The following EXOC6B variants were observed in gnomAD, a reference collection of about 807,000 sequenced individuals.
EXOC6B encodes SEC15 homolog B.
A neutral mutation model predicts 113.5 loss-of-function variants in EXOC6B; 54 were observed. The ratio of observed to expected loss-of-function variants is 0.48; its 90% CI spans 0.38 to 0.60. EXOC6B has a LOEUF of 0.60. Ranked by LOEUF, EXOC6B falls within the 20% of genes least tolerant of loss-of-function variation. The probability of loss-of-function intolerance (pLI) is 0.00; values close to 1 mark genes in which losing one functional copy is unlikely to be tolerated. For synonymous variants in EXOC6B, 357 were observed against 339.0 expected (o/e 1.05, Z -0.58); for missense variants, 797 against 977.5 (o/e 0.82, Z 2.46).
chr2:72,666,249 A>T (rs1200151191), intron 6 of EXOC6B, among the ~76,000 whole-genome samples: 1 of 152,212 alleles, frequency 6.6e-6, no homozygotes. Context: ...TTGAGAACAG[A>T]AAACTGACAA....
chr2:72,196,861 TTAAA>T (rs1356286973), intron 20 of EXOC6B, among the ~76,000 whole-genome samples: 2 of 152,184 alleles, frequency 1.3e-5, no homozygotes, highest in African/African-American at 4.8e-5. Context: ...ATAAGTGGGA[TTAAA>T]TAAATAGATA....
At chr2:72,217,027 T>C (rs1680580782) in intron 20 of EXOC6B, among the ~76,000 whole-genome samples, 1 of 128,630 alleles carries the variant, frequency 7.8e-6, no homozygotes, top group Non-Finnish European at 1.6e-5. Flanking sequence ...CCTGGGCGAC[T>C]CCATATCAAA....
intron 1 of EXOC6B, among the ~76,000 whole-genome samples, chr2:72,782,468 T>C (rs1398353641): frequency 6.6e-6 from 1 of 152,226 alleles, no homozygotes; most frequent in Non-Finnish European, 1.5e-5. Context: ...GACTGTGTAA[T>C]GATTAAGTCA....
intron 20 of EXOC6B, among the ~76,000 whole-genome samples, chr2:72,312,441 C>G (rs938816159): frequency 1.3e-5 from 2 of 151,946 alleles, no homozygotes; most frequent in Non-Finnish European, 2.9e-5. Flanking sequence ...AGATAAAATG[C>G]CTCCTACTAA....
At chr2:72,422,021 G>A (rs534733609) in intron 18 of EXOC6B, among the ~76,000 whole-genome samples, 94 of 152,330 alleles carry the variant, frequency 6.2e-4, no homozygotes, top group African/African-American at 2.0e-3. Context: ...CCAGCCCACC[G>A]GTGCTGCGCT....
intron 19 of EXOC6B, among the ~76,000 whole-genome samples, chr2:72,379,305 AC>A (rs1691543636): frequency 6.6e-6 from 1 of 152,236 alleles, no homozygotes; most frequent in Non-Finnish European, 1.5e-5. Flanking sequence ...AGCATTTCTG[AC>A]TAATTAATGC....
At chr2:72,599,239 G>C (rs760492135) in intron 6 of EXOC6B, among the ~76,000 whole-genome samples, 1 of 152,056 alleles carries the variant, frequency 6.6e-6, no homozygotes, top group East Asian at 1.9e-4. Context: ...GGTGTGTAAG[G>C]CTGGTTTGAC....
intron 1 of EXOC6B, among the ~76,000 whole-genome samples, chr2:72,783,866 A>G (rs1360372141): frequency 6.6e-6 from 1 of 151,962 alleles, no homozygotes; most frequent in East Asian, 1.9e-4. Flanking sequence ...CCATTTGTCT[A>G]TTTTTTGTTT....
At chr2:72,751,920 G>C (rs1249004927) in intron 1 of EXOC6B, among the ~76,000 whole-genome samples, 3 of 152,104 alleles carry the variant, frequency 2.0e-5, no homozygotes, top group Non-Finnish European at 4.4e-5. Context: ...TCTCTGCTCA[G>C]TTACATCTAT....
At chr2:72,669,676 C>G (rs144361499) in intron 6 of EXOC6B, among the ~76,000 whole-genome samples, 36 of 152,322 alleles carry the variant, frequency 2.4e-4, no homozygotes, top group African/African-American at 8.2e-4. Flanking sequence ...CTAGGGATCT[C>G]TATACAGTCT....
intron 19 of EXOC6B, among the ~76,000 whole-genome samples, chr2:72,344,063 T>C (rs949129973): frequency 1.3e-5 from 2 of 152,212 alleles, no homozygotes; most frequent in African/African-American, 4.8e-5. Flanking sequence ...TCCAAATGGC[T>C]AGACTGGCCC....
chr2:72,770,269 AAG>A (rs1683337507), intron 1 of EXOC6B, among the ~76,000 whole-genome samples: 1 of 152,234 alleles, frequency 6.6e-6, no homozygotes, highest in African/African-American at 2.4e-5. Flanking sequence ...TAAGAAAAAA[AAG>A]AGAGAAGATA....
chr2:72,539,230 A>G (rs1290584284), intron 8 of EXOC6B, among the ~76,000 whole-genome samples: 1 of 152,198 alleles, frequency 6.6e-6, no homozygotes, highest in Non-Finnish European at 1.5e-5. Flanking sequence ...AGCATCTAAC[A>G]TACTTCTTCT....
At chr2:72,541,918 C>T (rs1702628524) in intron 8 of EXOC6B, among the ~76,000 whole-genome samples, 1 of 152,206 alleles carries the variant, frequency 6.6e-6, no homozygotes, top group African/African-American at 2.4e-5. Flanking sequence ...AAGCAGTCTG[C>T]CTGCCTTGGC....
intron 6 of EXOC6B, among the ~76,000 whole-genome samples, chr2:72,590,137 G>C (rs547220361): frequency 1.6e-4 from 25 of 152,048 alleles, no homozygotes; most frequent in African/African-American, 6.0e-4. Flanking sequence ...GAAGTCACTG[G>C]CTATATAAGT....
intron 8 of EXOC6B, among the ~76,000 whole-genome samples, chr2:72,519,408 A>G (rs1573312021): frequency 6.6e-6 from 1 of 152,334 alleles, no homozygotes; most frequent in East Asian, 1.9e-4. Context: ...AAGAAGGCAC[A>G]AGAAAACTGT....
chr2:72,512,317 AAG>A lies in EXOC6B; in HGVS notation c.1167+813_1167+814del, dbSNP rs1700951136. ...CATAATCAATCTTTAAGAAACACGG[AAG>A]GAAGGAAGGAAGGAAGGAAGGAAGG... On this transcript the variant is annotated intron_variant, in intron 11 of 21. Transcript: ENST00000272427. Among the ~76,000 whole-genome samples, 3 of 9,338 alleles carry A rather than the reference AAG, an allele frequency of 3.2e-4. No individual in the cohort carries two copies. The South Asian group carries it at 0.021, about 66-fold the overall frequency. The allele number at this position is 9,338 out of a possible 152,430, so 6.1% of individuals were successfully genotyped here.
In EXOC6B at chr2:72,718,297, C is replaced by T. The variant is rs1328914342; in HGVS notation, c.475G>A (p.Ala159Thr). The T allele has an allele frequency of 1.2e-6, 2 of 1,613,490 alleles. No individual in the cohort carries two copies. Among genetic ancestry groups the T allele is most frequent in the South Asian group, 2.2e-5 (2 of 91,000 alleles). The change falls in exon 6 of 22, where the codon GCA (alanine) becomes ACA (threonine). Residue 159 changes from alanine to threonine, a missense_variant. Physicochemically the swap from Ala to Thr is moderately conservative, Grantham distance 58. Transcript: ENST00000272427. ...DQMKTKRHYP[A>T]LKTLEHLEHT... The stretch of plus-strand genomic sequence containing the variant: ...TCTAGATGTTCCAGAGTTTTCAGTG[C>T]AGGATAATGCCTACAAAAGGAATTG...
In EXOC6B at chr2:72,738,207, C is replaced by T. The variant is rs116599852; in HGVS notation, c.279+3097G>A. Among the ~76,000 whole-genome samples the T allele has an allele frequency of 1.4e-3, 209 of 152,250 alleles. 1 individual carries two copies. Among genetic ancestry groups the T allele is most frequent in the African/African-American group, 4.8e-3 (201 of 41,538 alleles). ...TCAGAAATTGTTCTCAATTTACACT[C>T]TCATGTTCTCATGCATGTATACATT... On this transcript the variant is annotated intron_variant, in intron 2 of 21. Transcript: ENST00000272427.
Sources: allele counts gnomAD v4.1 joint callset (sites outside exome capture counted in the v4.1 genomes callset), GRCh38; gene constraint gnomAD v4.1.1; transcripts MANE v1.5; gene names NCBI Gene and HGNC (gene_info 2026-07-23, HGNC 2026-07-21).